The following SCAI variants were observed in gnomAD, a reference collection of about 807,000 sequenced individuals.
SCAI encodes protein SCAI.
Under a neutral mutation model 92.2 loss-of-function variants are expected in SCAI, and 24 were observed. The ratio of observed to expected loss-of-function variants is 0.26; its 90% CI spans 0.19 to 0.37. SCAI has a LOEUF of 0.37. Ranked by LOEUF, SCAI falls within the 10% of genes least tolerant of loss-of-function variation. The pLI is 1.00. For synonymous variants in SCAI, 261 were observed against 258.6 expected (o/e 1.01, Z -0.09); for missense variants, 450 against 736.2 (o/e 0.61, Z 4.50).
At chr9:124,968,624 T>C in intron 17 of SCAI, 1 of 959,510 alleles carries the variant, frequency 1.0e-6, no homozygotes, top group South Asian at 1.3e-5. Context: ...AGTCCAGTGA[T>C]TCCTCCGCTA....
At chr9:125,020,457 GC>G (rs1832849197) in intron 7 of SCAI, among the ~76,000 whole-genome samples, 1 of 152,124 alleles carries the variant, frequency 6.6e-6, no homozygotes, top group Non-Finnish European at 1.5e-5. Context: ...AAGGACAAAA[GC>G]AAGGAATCAA....
chr9:125,127,133 C>T (rs1249171734), intron 2 of SCAI, among the ~76,000 whole-genome samples: 1 of 152,134 alleles, frequency 6.6e-6, no homozygotes, highest in Non-Finnish European at 1.5e-5. Context: ...GTGCCCAAGT[C>T]CTCAGAGAGA....
At chr9:125,143,311 C>T (rs1835714239) in intron 1 of SCAI, 74 bp downstream of exon 1, 1 of 960,932 alleles carries the variant, frequency 1.0e-6, no homozygotes, top group South Asian at 3.1e-5. Context: ...TCCACCGCCC[C>T]GAGCCGCTGC....
At chr9:125,021,216 T>G (rs904351106) in intron 6 of SCAI, among the ~76,000 whole-genome samples, 3 of 152,208 alleles carry the variant, frequency 2.0e-5, no homozygotes, top group African/African-American at 7.2e-5. Flanking sequence ...TAATAAATGT[T>G]TAAGTTAAGA....
chr9:125,015,882 G>C (rs1013123629), intron 9 of SCAI, among the ~76,000 whole-genome samples: 17 of 151,894 alleles, frequency 1.1e-4, no homozygotes, highest in Non-Finnish European at 2.4e-4. Context: ...CCTTTGTAGG[G>C]ACATGGATGA....
intron 2 of SCAI, among the ~76,000 whole-genome samples, chr9:125,121,269 G>A (rs1019280107): frequency 1.3e-5 from 2 of 148,274 alleles, no homozygotes; most frequent in East Asian, 3.9e-4. Context: ...GTTTATGGGT[G>A]GAGAGAACAA....
intron 2 of SCAI, among the ~76,000 whole-genome samples, chr9:125,116,638 C>T (rs1021917721): frequency 6.6e-6 from 1 of 151,908 alleles, no homozygotes; most frequent in African/African-American, 2.4e-5. Context: ...GGAGACAAAA[C>T]CCACCAATAA....
chr9:124,987,927 C>A (rs1414677347), intron 14 of SCAI, among the ~76,000 whole-genome samples: 1 of 152,064 alleles, frequency 6.6e-6, no homozygotes, highest in East Asian at 1.9e-4. Flanking sequence ...CATGCCACTG[C>A]ACTAGAGCCT....
At chr9:125,138,835 C>T (rs928612316) in intron 2 of SCAI, among the ~76,000 whole-genome samples, 7 of 152,202 alleles carry the variant, frequency 4.6e-5, no homozygotes, top group African/African-American at 1.7e-4. Context: ...GGGCGTGAGC[C>T]ACCACGCCAG....
At position 124,993,020 on chromosome 9, in the gene SCAI, T is replaced by C. The variant is rs557068796; in HGVS notation, c.1326+1914A>G. 8.9e-4 allele frequency among the ~76,000 whole-genome samples: 135 copies of C among 152,318 alleles called. 1 individual carries two copies. Among genetic ancestry groups the C allele is most frequent in the Admixed American group, 2.2e-3 (33 of 15,290 alleles). On this transcript the variant is annotated intron_variant, in intron 14 of 17. Transcript: ENST00000336505. ...GCCCAATTAAATTGGGAGAAACTAATGGATTGCTAAAGTACTCTCAATGAT... is the reference window on the plus strand; with the variant it reads ...GCCCAATTAAATTGGGAGAAACTAACGGATTGCTAAAGTACTCTCAATGAT...
intron 17 of SCAI, among the ~76,000 whole-genome samples, chr9:124,963,404 G>A (rs1203550964): frequency 1.3e-5 from 2 of 151,994 alleles, no homozygotes; most frequent in African/African-American, 4.8e-5. Flanking sequence ...AAAGTGCTGG[G>A]ATTACAGGCG....
intron 9 of SCAI, among the ~76,000 whole-genome samples, chr9:125,014,116 G>C (rs1388523152): frequency 2.6e-5 from 4 of 151,898 alleles, no homozygotes; most frequent in Non-Finnish European, 5.9e-5. Context: ...TTGAAAACGG[G>C]CACAAGACAG....
intron 2 of SCAI, among the ~76,000 whole-genome samples, chr9:125,118,572 G>A (rs1288526139): frequency 1.3e-5 from 2 of 152,088 alleles, no homozygotes; most frequent in African/African-American, 4.8e-5. Context: ...GTTCACATGT[G>A]TAGAATGTGC....
rs117204221 is a variant in SCAI, at chr9:125,109,048, A to G, written c.98+33585T>C. On this transcript the variant is annotated intron_variant, in intron 2 of 17. Transcript: ENST00000336505. ...TTCTGCCCTGGGATGCTGTTGATCTATCACCTTACCCCCAACCCGCTGCTC... is the reference window on the plus strand; with the variant it reads ...TTCTGCCCTGGGATGCTGTTGATCTGTCACCTTACCCCCAACCCGCTGCTC... Among the ~76,000 whole-genome samples the G allele has an allele frequency of 6.4e-4, 97 of 152,246 alleles. No individual in the cohort carries two copies. The East Asian group carries it at 0.018, about 28-fold the overall frequency.
intron 3 of SCAI, among the ~76,000 whole-genome samples, chr9:125,037,847 C>T (rs1268410337): frequency 6.6e-6 from 1 of 151,920 alleles, no homozygotes; most frequent in African/African-American, 2.4e-5. Context: ...ACCTGGGAAG[C>T]GGAGGTTGCA....
At chr9:124,968,006 C>G (rs1481399700) in intron 17 of SCAI, among the ~76,000 whole-genome samples, 1 of 151,988 alleles carries the variant, frequency 6.6e-6, no homozygotes, top group African/African-American at 2.4e-5. Flanking sequence ...TATTCTTTTG[C>G]TTTTTTAAAG....
At chr9:124,997,192 A>G (rs1004905714) in intron 13 of SCAI, among the ~76,000 whole-genome samples, 1 of 152,208 alleles carries the variant, frequency 6.6e-6, no homozygotes, top group Non-Finnish European at 1.5e-5. Context: ...AGCCAACACG[A>G]TGCCACAAGT....
intron 4 of SCAI, among the ~76,000 whole-genome samples, chr9:125,028,997 C>T (rs1833018781): frequency 6.6e-6 from 1 of 152,094 alleles, no homozygotes. Flanking sequence ...AGGGTTTCAC[C>T]ATGTTAGCCA....
chr9:125,057,556 T>A (rs1045223510), intron 2 of SCAI, among the ~76,000 whole-genome samples: 8 of 152,188 alleles, frequency 5.3e-5, no homozygotes, highest in Admixed American at 2.6e-4. Context: ...TTCACTCTTA[T>A]AGCCACCAAG....
Sources: allele counts gnomAD v4.1 joint callset (sites outside exome capture counted in the v4.1 genomes callset), GRCh38; gene constraint gnomAD v4.1.1; transcripts MANE v1.5; gene names NCBI Gene and HGNC (gene_info 2026-07-23, HGNC 2026-07-21).